The following ANO2 variants were observed in gnomAD, a reference collection of about 807,000 sequenced individuals.
ANO2 encodes anoctamin-2.
In ANO2, 101 loss-of-function variants were observed where a neutral mutation model predicts 124.2. That is an observed-to-expected ratio of 0.81 (90% CI 0.69 to 0.96). The LOEUF (loss-of-function observed/expected upper bound fraction) is 0.96. Ranked by LOEUF, ANO2 falls within the 40% of genes least tolerant of loss-of-function variation. The pLI is 0.00. For missense variants in ANO2, 1,293 were observed against 1,274.5 expected, an observed-to-expected ratio of 1.01 and a Z score of -0.22; for synonymous variants, 486 against 482.5, an observed-to-expected ratio of 1.01 and a Z score of -0.09.
intron 4 of ANO2, among the ~76,000 whole-genome samples, chr12:5,842,325 G>A (rs910640432): frequency 6.6e-6 from 1 of 152,130 alleles, no homozygotes; most frequent in Non-Finnish European, 1.5e-5. Flanking sequence ...TTCATTGGAT[G>A]GTCGGAGGGG....
At position 5,585,837 on chromosome 12, in the gene ANO2, T is replaced by G. The variant is rs186716856; in HGVS notation, c.2234-7319A>C. ...TGAGGACCTTTCTTTGCTTTATTCT[T>G]TCTCCTCTACCTCTTCCCAAAAGGT... is the stretch of plus-strand genomic sequence containing the variant. On this transcript the variant is annotated intron_variant, in intron 20 of 24. Coordinates refer to ENST00000682330, the MANE Select transcript of ANO2 (RefSeq NM_001364791.2). Among the ~76,000 whole-genome samples, 8 of 152,336 alleles carry G rather than the reference T, an allele frequency of 5.3e-5. No homozygotes were observed. The East Asian group carries it at 5.8e-4, about 11-fold the overall frequency.
intron 23 of ANO2, among the ~76,000 whole-genome samples, chr12:5,571,329 G>C (rs1398313392): frequency 2.0e-5 from 3 of 152,246 alleles, no homozygotes; most frequent in Non-Finnish European, 2.9e-5. Context: ...TTACGGAGCA[G>C]CCCTGCCAGA....
intron 13 of ANO2, among the ~76,000 whole-genome samples, chr12:5,737,844 A>G (rs1219709346): frequency 2.6e-5 from 4 of 152,184 alleles, no homozygotes; most frequent in Non-Finnish European, 5.9e-5. Context: ...TGTCTTTACT[A>G]TTCTCTGTTG....
chr12:5,646,099 G>T (rs1400645664), intron 15 of ANO2, among the ~76,000 whole-genome samples: 1 of 152,058 alleles, frequency 6.6e-6, no homozygotes, highest in Non-Finnish European at 1.5e-5. Flanking sequence ...ATTTAATTTG[G>T]TGAGGACATC....
At position 5,562,853 on chromosome 12, in the gene ANO2, G is replaced by T; in HGVS notation, c.*446C>A. 1 of 173,344 alleles carries T rather than the reference G, an allele frequency of 5.8e-6. No individual in the cohort carries two copies. Among genetic ancestry groups the T allele is most frequent in the East Asian group, 1.5e-4 (1 of 6,838 alleles). 10.7% of individuals were successfully genotyped at this position (173,344 alleles called of 1,614,324 possible). A position where few individuals can be genotyped will look rare whatever the true frequency, so the allele number is the denominator to read the frequency against. ...TTAATTTGCATCTGCTGAGACTGTG[G>T]CAGCCCCACTGCAAGTGACTCAGTT... On this transcript the variant is annotated 3_prime_UTR_variant, in exon 25 of 25. Transcript: ENST00000682330.
chr12:5,795,133 C>G (rs1190965683), intron 10 of ANO2, among the ~76,000 whole-genome samples: 2 of 152,226 alleles, frequency 1.3e-5, no homozygotes, highest in African/African-American at 4.8e-5. Flanking sequence ...GGACGGTGAC[C>G]TGTGCCTTGC....
chr12:5,773,493 A>G (rs1952143312), intron 10 of ANO2, among the ~76,000 whole-genome samples: 1 of 152,214 alleles, frequency 6.6e-6, no homozygotes, highest in African/African-American at 2.4e-5. Context: ...GAAGATTTAT[A>G]TGAGTTAATT....
At chr12:5,643,050 G>GA (rs1411692109) in intron 15 of ANO2, among the ~76,000 whole-genome samples, 17 of 143,000 alleles carry the variant, frequency 1.2e-4, no homozygotes, top group African/African-American at 4.8e-4. Context: ...TGAACATGCA[G>GA]AAAAATCCAT....
At chr12:5,798,315 A>G in intron 10 of ANO2, among the ~76,000 whole-genome samples, 1 of 152,122 alleles carries the variant, frequency 6.6e-6, no homozygotes, top group East Asian at 1.9e-4. Flanking sequence ...CACGGTCCTC[A>G]GCTGGAACAA....
At chr12:5,741,750 C>A (rs1951103015) in intron 12 of ANO2, among the ~76,000 whole-genome samples, 1 of 152,188 alleles carries the variant, frequency 6.6e-6, no homozygotes, top group South Asian at 2.1e-4. Flanking sequence ...GTCACAAGAG[C>A]ACTGTGGGGT....
chr12:5,795,263 C>T (rs1938941874), intron 10 of ANO2, among the ~76,000 whole-genome samples: 1 of 152,214 alleles, frequency 6.6e-6, no homozygotes, highest in African/African-American at 2.4e-5. Context: ...ATAGAGATCA[C>T]TCTCAGATCC....
rs118075944 is a variant in ANO2 at position 5,865,912 on chromosome 12, G to A, written c.535-11771C>T. On this transcript the variant is annotated intron_variant, in intron 3 of 24. Transcript: ENST00000682330. Reference sequence around the variant, plus strand: ...ACAGATCACGACCAGGGCAATTAACGTCCAAAGGGACAGGACGACAATGAA... The same window carrying A: ...ACAGATCACGACCAGGGCAATTAACATCCAAAGGGACAGGACGACAATGAA... Among the ~76,000 whole-genome samples the A allele has an allele frequency of 2.8e-3, 432 of 152,254 alleles. 2 individuals are homozygous for A. Among genetic ancestry groups the A allele is most frequent in the Middle Eastern group, 6.8e-3 (2 of 294 alleles).
At chr12:5,728,058 G>A (rs1009317568) in intron 14 of ANO2, among the ~76,000 whole-genome samples, 12 of 151,996 alleles carry the variant, frequency 7.9e-5, no homozygotes, top group Admixed American at 3.3e-4. Context: ...CGCCCACCTC[G>A]GCCTCTCAAG....
chr12:5,836,633 A>G (rs892096395), intron 4 of ANO2: 2 of 152,844 alleles, frequency 1.3e-5, no homozygotes, highest in Non-Finnish European at 2.9e-5. Context: ...AAGTCTCCAT[A>G]TTGACCTTTC....
intron 2 of ANO2, 68 bp from the exon 3 acceptor site, chr12:5,921,434 A>T: frequency 6.8e-7 from 1 of 1,477,574 alleles, no homozygotes; most frequent in Non-Finnish European, 9.2e-7. Flanking sequence ...GAGGAGGCTG[A>T]TCTATGCTCT....
chr12:5,589,812 G>A (rs764587059), intron 20 of ANO2, among the ~76,000 whole-genome samples: 17 of 152,084 alleles, frequency 1.1e-4, no homozygotes, highest in Non-Finnish European at 1.8e-4. Flanking sequence ...CAGGGCAGGA[G>A]GGAGCTGTAG....
At chr12:5,812,498 A>AGAG (rs1565688066) in intron 7 of ANO2, among the ~76,000 whole-genome samples, 20 of 97,070 alleles carry the variant, frequency 2.1e-4, no homozygotes, top group African/African-American at 3.7e-4. Context: ...GGAAGGAAGA[A>AGAG]AGGGAGGGAG....
intron 3 of ANO2, among the ~76,000 whole-genome samples, chr12:5,869,945 C>T (rs900873198): frequency 3.9e-5 from 6 of 152,168 alleles, no homozygotes; most frequent in African/African-American, 1.4e-4. Flanking sequence ...TGCCTTGAAC[C>T]ACTGTGAAAT....
At chr12:5,940,689 A>G (rs1942859832) in intron 1 of ANO2, among the ~76,000 whole-genome samples, 1 of 152,284 alleles carries the variant, frequency 6.6e-6, no homozygotes. Context: ...AAAATGGTAC[A>G]GCCACTTTGG....
Sources: allele counts gnomAD v4.1 joint callset (sites outside exome capture counted in the v4.1 genomes callset), GRCh38; gene constraint gnomAD v4.1.1; transcripts MANE v1.5; gene names NCBI Gene and HGNC (gene_info 2026-07-23, HGNC 2026-07-21).